The following SPRED1 variants were observed in gnomAD, a reference collection of about 807,000 sequenced individuals.
The protein encoded by SPRED1 is sprouty related EVH1 domain containing 1, also known as sprouty-related, EVH1 domain-containing protein 1.
In SPRED1, 18 loss-of-function variants were observed where a neutral mutation model predicts 52.3. The observed-to-expected ratio is 0.34, with a 90% CI of 0.24 to 0.51. The LOEUF (loss-of-function observed/expected upper bound fraction) is 0.51, where lower values mean the gene tolerates loss of function less well. SPRED1 is among the 20% of genes least tolerant of loss of function. SPRED1 has a pLI of 0.97. For missense variants in SPRED1, 485 were observed against 551.0 expected (o/e 0.88, Z 1.20); for synonymous variants, 155 against 179.7 (o/e 0.86, Z 1.10).
At position 38,318,969 on chromosome 15, in the gene SPRED1, A is replaced by G. The variant is rs148412752; in HGVS notation, c.208-3272A>G. 2.0e-3 allele frequency among the ~76,000 whole-genome samples: 303 copies of G among 152,284 alleles called. 2 individuals carry two copies. Among genetic ancestry groups the G allele is most frequent in the Admixed American group, 7.3e-3 (112 of 15,288 alleles). Reference sequence around the variant, plus strand: ...TCTAAACAATAGATGCCATTTGAAGACAAGATTAGGGTAGATCACATTGAA... The same window carrying G: ...TCTAAACAATAGATGCCATTTGAAGGCAAGATTAGGGTAGATCACATTGAA... On this transcript the variant is annotated intron_variant, in intron 2 of 6. Coordinates refer to ENST00000299084, the MANE Select transcript of SPRED1 (RefSeq NM_152594.3).
rs1316785658 is a variant in SPRED1, at chr15:38,354,596, A to AT, written c.*2935dup. Reference sequence around the variant, plus strand: ...TCATCACTACTACCATTAAAGGGCTATTTATGTGGTGACCACCTCTACCAG... The same window carrying AT: ...TCATCACTACTACCATTAAAGGGCTATTTTATGTGGTGACCACCTCTACCAG... On this transcript the variant is annotated 3_prime_UTR_variant, in exon 7 of 7. Coordinates refer to ENST00000299084, the MANE Select transcript of SPRED1 (RefSeq NM_152594.3). The AT allele has an allele frequency of 1.3e-5, 2 of 152,224 alleles. No homozygotes were observed. The highest frequency in any genetic ancestry group is 4.8e-5 in the African/African-American group (2 of 41,456). The allele number at this position is 152,224 out of a possible 1,614,324, so 9.4% of individuals were successfully genotyped here. A position where few individuals can be genotyped will look rare whatever the true frequency, so the allele number is the denominator to read the frequency against.
At chr15:38,288,602 C>T (rs561005388) in intron 1 of SPRED1, among the ~76,000 whole-genome samples, 1 of 152,208 alleles carries the variant, frequency 6.6e-6, no homozygotes, top group South Asian at 2.1e-4. Context: ...AAGGAAACAG[C>T]GTCTAGAGCC....
chr15:38,274,303 G>A (rs372467951), intron 1 of SPRED1, among the ~76,000 whole-genome samples: 1 of 152,288 alleles, frequency 6.6e-6, no homozygotes, highest in African/African-American at 2.4e-5. Context: ...AAGGTGTACT[G>A]GGGGGAACTG....
intron 1 of SPRED1, among the ~76,000 whole-genome samples, chr15:38,263,896 C>T (rs1482184263): frequency 6.6e-6 from 1 of 152,184 alleles, no homozygotes; most frequent in East Asian, 1.9e-4. Context: ...AGCCGTCCTG[C>T]CACATGCAGC....
intron 3 of SPRED1, 144 bp downstream of exon 3, chr15:38,322,553 TAGATGA>T: frequency 1.4e-6 from 1 of 721,838 alleles, no homozygotes. Flanking sequence ...AACCTCACAA[TAGATGA>T]AGATAAAATA....
chr15:38,328,547 A>C (rs939864446), intron 4 of SPRED1, among the ~76,000 whole-genome samples: 1 of 152,178 alleles, frequency 6.6e-6, no homozygotes, highest in African/African-American at 2.4e-5. Context: ...CTTATCTTTT[A>C]TTCCTGATGT....
chr15:38,260,939 T>C (rs748765020), intron 1 of SPRED1, among the ~76,000 whole-genome samples: 1 of 152,072 alleles, frequency 6.6e-6, no homozygotes, highest in Non-Finnish European at 1.5e-5. Context: ...AAGAAGAGAA[T>C]AGAGGAGACG....
At chr15:38,265,569 A>G (rs950300786) in intron 1 of SPRED1, among the ~76,000 whole-genome samples, 22 of 152,132 alleles carry the variant, frequency 1.4e-4, no homozygotes, top group African/African-American at 4.8e-4. Flanking sequence ...CTGAAGAGGT[A>G]GATGTAACTA....
Position 38,257,957 on chromosome 15 carries a change from G to A in SPRED1, c.32+4740G>A, listed in dbSNP as rs1654780469. On this transcript the variant is annotated intron_variant, in intron 1 of 6. Coordinates refer to ENST00000299084, the MANE Select transcript of SPRED1 (RefSeq NM_152594.3). ...CTTGACTAGTCTTACCCAGTTTGGG[G>A]AAATGATTGGTAAAGACAAGCCTGC... is the stretch of plus-strand genomic sequence containing the variant. Among the ~76,000 whole-genome samples the A allele has an allele frequency of 3.3e-5, 5 of 152,306 alleles. No individual in the cohort carries two copies. The South Asian group carries it at 1.0e-3, about 32-fold the overall frequency.
intron 1 of SPRED1, among the ~76,000 whole-genome samples, chr15:38,298,788 A>G (rs994514763): frequency 5.3e-5 from 8 of 152,212 alleles, no homozygotes; most frequent in Non-Finnish European, 1.0e-4. Flanking sequence ...CTACAGACCA[A>G]TTTGCTTGTT....
At chr15:38,271,442 A>G (rs533024929) in intron 1 of SPRED1, among the ~76,000 whole-genome samples, 53 of 152,222 alleles carry the variant, frequency 3.5e-4, no homozygotes, top group Non-Finnish European at 6.8e-4. Context: ...CTTAGGTTTG[A>G]CAGTCATTAA....
At chr15:38,266,141 A>G (rs1894302185) in intron 1 of SPRED1, among the ~76,000 whole-genome samples, 2 of 152,364 alleles carry the variant, frequency 1.3e-5, no homozygotes, top group Admixed American at 6.5e-5. Context: ...TGTTAATTCA[A>G]AAATAATTGC....
intron 4 of SPRED1, among the ~76,000 whole-genome samples, chr15:38,326,775 G>A (rs1895716182): frequency 6.6e-6 from 1 of 152,116 alleles, no homozygotes; most frequent in South Asian, 2.1e-4. Context: ...CTGGCAGGAA[G>A]CAAGTTGAAA....
intron 1 of SPRED1, among the ~76,000 whole-genome samples, chr15:38,278,072 A>G (rs1391202424): frequency 1.3e-5 from 2 of 152,234 alleles, no homozygotes; most frequent in South Asian, 4.1e-4. Flanking sequence ...AAATGAAAAC[A>G]GGTAAGAAAT....
chr15:38,294,665 G>C (rs1009290250), intron 1 of SPRED1, among the ~76,000 whole-genome samples: 4 of 152,152 alleles, frequency 2.6e-5, no homozygotes, highest in Non-Finnish European at 2.9e-5. Flanking sequence ...GAAAAGTTAA[G>C]CTTAAGAACA....
chr15:38,288,513 C>CTACT (rs1022758339), intron 1 of SPRED1, among the ~76,000 whole-genome samples: 46 of 152,238 alleles, frequency 3.0e-4, no homozygotes, highest in African/African-American at 1.1e-3. Flanking sequence ...GATGCTGGTG[C>CTACT]TACTCCGAGG....
chr15:38,345,505 G>A (rs1429559305), intron 5 of SPRED1, among the ~76,000 whole-genome samples: 1 of 152,206 alleles, frequency 6.6e-6, no homozygotes, highest in Non-Finnish European at 1.5e-5. Flanking sequence ...GATTAAGCTA[G>A]CAAGTTAACG....
intron 3 of SPRED1, among the ~76,000 whole-genome samples, chr15:38,324,335 C>T (rs1430476971): frequency 2.6e-5 from 4 of 152,166 alleles, no homozygotes; most frequent in Non-Finnish European, 5.9e-5. Context: ...ATTTGTTTTC[C>T]ATCTTAGCTA....
At chr15:38,305,889 G>C (rs968760852) in intron 2 of SPRED1, among the ~76,000 whole-genome samples, 1 of 152,048 alleles carries the variant, frequency 6.6e-6, no homozygotes, top group African/African-American at 2.4e-5. Flanking sequence ...AATTATCAGT[G>C]ATCCCTCCAT....
Sources: gnomAD v4.1 joint callset for allele counts (sites outside exome capture counted in the v4.1 genomes callset) on GRCh38, gnomAD v4.1.1 for gene constraint, MANE v1.5 for transcripts, NCBI Gene and HGNC (gene_info 2026-07-23, HGNC 2026-07-21) for gene names.